ATP6V1H: variants seen among roughly 807,000 people sequenced by gnomAD.
ATP6V1H encodes the protein ATPase H+ transporting V1 subunit H.
In ATP6V1H, 39 loss-of-function variants were observed where a neutral mutation model predicts 71.7. The observed-to-expected ratio is 0.54, with a 90% CI of 0.42 to 0.71. ATP6V1H has a LOEUF of 0.71. Among genes scored for constraint, ATP6V1H ranks in the 30% least tolerant of loss-of-function variants. The probability of loss-of-function intolerance (pLI) is 0.00; values close to 1 mark genes in which losing one functional copy is unlikely to be tolerated. For missense variants in ATP6V1H, 509 were observed against 594.9 expected (o/e 0.86, Z 1.50); for synonymous variants, 192 against 199.3 (o/e 0.96, Z 0.31).
At chr8:53,785,674 C>A (rs1188647437) in intron 9 of ATP6V1H, among the ~76,000 whole-genome samples, 2 of 152,042 alleles carry the variant, frequency 1.3e-5, no homozygotes, top group Non-Finnish European at 2.9e-5. Context: ...TGGTTTTATC[C>A]ACCTTTGGTC....
At chr8:53,842,032 T>A (rs976989271) in intron 1 of ATP6V1H, among the ~76,000 whole-genome samples, 2 of 152,200 alleles carry the variant, frequency 1.3e-5, no homozygotes, top group African/African-American at 2.4e-5. Flanking sequence ...AGAATAGGTA[T>A]AAATATGGGA....
chr8:53,795,449 A>G (rs1275762399), intron 9 of ATP6V1H, among the ~76,000 whole-genome samples, 198 bp downstream of exon 9: 3 of 152,244 alleles, frequency 2.0e-5, no homozygotes, highest in Non-Finnish European at 4.4e-5. Context: ...GATTTCATTC[A>G]TAGATAGTTT....
rs1267048841 is a variant in ATP6V1H, at chr8:53,729,572, G to A, written c.1392-13548C>T. Among the ~76,000 whole-genome samples, 5 of 152,284 alleles carry A rather than the reference G, an allele frequency of 3.3e-5. No homozygotes were observed. The South Asian group carries it at 1.0e-3, about 32-fold the overall frequency. ...CACCCTGGGGGCCACATGATGTGCT[G>A]GGCTAATGTGCTGAAGCTCACCCTG... On this transcript the variant is annotated intron_variant, in intron 13 of 13. Coordinates refer to ENST00000359530, the MANE Select transcript of ATP6V1H (RefSeq NM_015941.4).
intron 13 of ATP6V1H, among the ~76,000 whole-genome samples, chr8:53,721,966 T>C (rs1310530712): frequency 6.6e-6 from 1 of 152,106 alleles, no homozygotes; most frequent in Non-Finnish European, 1.5e-5. Context: ...TTTATAGGAG[T>C]TGTAGTCCTA....
At chr8:53,731,989 T>C (rs188605204) in intron 13 of ATP6V1H, among the ~76,000 whole-genome samples, 1 of 152,284 alleles carries the variant, frequency 6.6e-6, no homozygotes, top group East Asian at 1.9e-4. Context: ...ACGCTTGGAG[T>C]TGGACATCTG....
intron 5 of ATP6V1H, among the ~76,000 whole-genome samples, chr8:53,815,251 A>G (rs1810409711): frequency 6.6e-6 from 1 of 152,216 alleles, no homozygotes; most frequent in Non-Finnish European, 1.5e-5. Flanking sequence ...CTCTCCCAAC[A>G]TAAACAAATA....
At chr8:53,833,177 G>A in intron 2 of ATP6V1H, 91 bp from the exon 3 acceptor site, 1 of 978,512 alleles carries the variant, frequency 1.0e-6, no homozygotes, top group Non-Finnish European at 1.6e-6. Flanking sequence ...TTCTCTCCTT[G>A]GCAGCAAACC....
chr8:53,782,012 T>C (rs1185742355), intron 9 of ATP6V1H, among the ~76,000 whole-genome samples: 1 of 152,266 alleles, frequency 6.6e-6, no homozygotes. Context: ...TAGGATTAAC[T>C]TGGCAATGCA....
chr8:53,760,113 TGC>T (rs1808218212), intron 11 of ATP6V1H, among the ~76,000 whole-genome samples: 2 of 152,294 alleles, frequency 1.3e-5, no homozygotes, highest in African/African-American at 4.8e-5. Context: ...TTGCAGCTGG[TGC>T]CAGGGAACGA....
intron 6 of ATP6V1H, among the ~76,000 whole-genome samples, chr8:53,814,327 G>T (rs1327825400): frequency 1.3e-5 from 2 of 152,026 alleles, no homozygotes; most frequent in African/African-American, 4.8e-5. Flanking sequence ...AGCCTCACAC[G>T]CACGTGCTCT....
At chr8:53,841,853 C>A (rs1811352689) in intron 1 of ATP6V1H, 128 bp from the exon 2 acceptor site, 1 of 813,306 alleles carries the variant, frequency 1.2e-6, no homozygotes, top group Non-Finnish European at 1.8e-6. Context: ...TATTAAATGT[C>A]CTAAGTCTGA....
At chr8:53,830,091 C>G (rs1810958367) in intron 3 of ATP6V1H, among the ~76,000 whole-genome samples, 1 of 152,154 alleles carries the variant, frequency 6.6e-6, no homozygotes, top group African/African-American at 2.4e-5. Flanking sequence ...AATGAGGCCC[C>G]CCGATAGGCA....
chr8:53,752,705 C>T (rs1444871556), intron 12 of ATP6V1H, among the ~76,000 whole-genome samples: 3 of 152,138 alleles, frequency 2.0e-5, no homozygotes. Flanking sequence ...CATGTGCCAC[C>T]ACACCCAGCT....
chr8:53,831,943 C>A, intron 3 of ATP6V1H: 1 of 151,404 alleles, frequency 6.6e-6, no homozygotes, highest in East Asian at 1.9e-4. Flanking sequence ...ACTAACTGTT[C>A]GCCTCAAAAC....
chr8:53,716,878 GAA>G (rs2130059804), intron 13 of ATP6V1H, among the ~76,000 whole-genome samples: 1 of 152,322 alleles, frequency 6.6e-6, no homozygotes, highest in South Asian at 2.1e-4. Flanking sequence ...TTAGGAAGAA[GAA>G]AAAGAGGCTT....
At chr8:53,725,315 A>T (rs1274225404) in intron 13 of ATP6V1H, among the ~76,000 whole-genome samples, 2 of 152,138 alleles carry the variant, frequency 1.3e-5, no homozygotes, top group Non-Finnish European at 2.9e-5. Context: ...GTGGGACTCT[A>T]CAGAGTCCTC....
intron 12 of ATP6V1H, among the ~76,000 whole-genome samples, chr8:53,748,157 CA>C: frequency 6.8e-6 from 1 of 147,584 alleles, no homozygotes; most frequent in East Asian, 2.0e-4. Flanking sequence ...GACTCCATCT[CA>C]AAAACAAAAA....
chr8:53,742,646 A>T (rs1183970991), intron 13 of ATP6V1H, among the ~76,000 whole-genome samples: 1 of 152,224 alleles, frequency 6.6e-6, no homozygotes, highest in Non-Finnish European at 1.5e-5. Flanking sequence ...AAATGTCATT[A>T]TTTATGATAA....
chr8:53,777,405 TGAGA>T (rs1008190183), intron 9 of ATP6V1H, among the ~76,000 whole-genome samples: 1 of 150,954 alleles, frequency 6.6e-6, no homozygotes, highest in Non-Finnish European at 1.5e-5. Flanking sequence ...ATGATTTTGC[TGAGA>T]GAGAGCATTA....
Sources: gnomAD v4.1 joint callset for allele counts (sites outside exome capture counted in the v4.1 genomes callset) on GRCh38, gnomAD v4.1.1 for gene constraint, MANE v1.5 for transcripts, NCBI Gene and HGNC (gene_info 2026-07-23, HGNC 2026-07-21) for gene names.